The following NHSL1 variants were observed in gnomAD, a reference collection of about 807,000 sequenced individuals.
The protein encoded by NHSL1 is NHS like 1.
NHSL1 carries 48 observed loss-of-function variants against 95.0 expected under a neutral mutation model. That is an observed-to-expected ratio of 0.51 (90% CI 0.40 to 0.64). NHSL1 has a LOEUF of 0.64. NHSL1 is among the 30% of genes least tolerant of loss of function. The pLI is 0.00. For synonymous variants in NHSL1, 783 were observed against 833.9 expected (o/e 0.94, Z 1.05); for missense variants, 1,971 against 2,077.7 (o/e 0.95, Z 1.00).
intron 1 of NHSL1, among the ~76,000 whole-genome samples, chr6:138,543,892 G>A (rs1325821861): frequency 6.6e-6 from 1 of 152,164 alleles, no homozygotes; most frequent in African/African-American, 2.4e-5. Flanking sequence ...AAAAGGGTGC[G>A]ATTGTGGATT....
intron 1 of NHSL1, among the ~76,000 whole-genome samples, chr6:138,551,743 T>C (rs1010763704): frequency 1.3e-5 from 2 of 152,182 alleles, no homozygotes; most frequent in African/African-American, 4.8e-5. Context: ...GGAAACTGAT[T>C]TAAAACCAGT....
intron 2 of NHSL1, among the ~76,000 whole-genome samples, chr6:138,487,009 G>T (rs1420175731): frequency 6.6e-6 from 1 of 152,208 alleles, no homozygotes; most frequent in African/African-American, 2.4e-5. Flanking sequence ...AGGTGTGAGA[G>T]GTTGTGGTTC....
At chr6:138,649,512 C>T (rs1302164869) in intron 1 of NHSL1, among the ~76,000 whole-genome samples, 1 of 151,120 alleles carries the variant, frequency 6.6e-6, no homozygotes, top group Non-Finnish European at 1.5e-5. Flanking sequence ...TCAAATCTTA[C>T]TATGAACTGG....
intron 2 of NHSL1, among the ~76,000 whole-genome samples, chr6:138,485,446 TAAAAA>T (rs768633258): frequency 6.9e-5 from 8 of 115,540 alleles, no homozygotes; most frequent in African/African-American, 1.6e-4. Flanking sequence ...TGCTTACCGT[TAAAAA>T]AAAAAAAAAA....
intron 7 of NHSL1, among the ~76,000 whole-genome samples, chr6:138,428,272 A>C (rs1032099936): frequency 3.3e-5 from 5 of 152,252 alleles, no homozygotes; most frequent in Admixed American, 2.6e-4. Context: ...AAATACTCTG[A>C]GTCTTGGAAG....
upstream of NHSL1, among the ~76,000 whole-genome samples, chr6:138,547,766 A>C (rs1217074027): frequency 6.6e-6 from 1 of 152,190 alleles, no homozygotes; most frequent in African/African-American, 2.4e-5. Flanking sequence ...GATTCACCTA[A>C]CAAACAAGAT....
At chr6:138,471,239 T>C (rs1265999235) in intron 3 of NHSL1, among the ~76,000 whole-genome samples, 1 of 152,154 alleles carries the variant, frequency 6.6e-6, no homozygotes, top group East Asian at 1.9e-4. Flanking sequence ...AGAAAAATCT[T>C]AGGATGCTGT....
intron 3 of NHSL1, chr6:138,464,487 C>T (rs920707457): frequency 8.8e-6 from 2 of 227,320 alleles, no homozygotes; most frequent in African/African-American, 4.6e-5. Context: ...AAATTCTGAG[C>T]CTCAGTCCAC....
At chr6:138,451,222 T>A (rs1258395295) in intron 3 of NHSL1, among the ~76,000 whole-genome samples, 1 of 152,176 alleles carries the variant, frequency 6.6e-6, no homozygotes, top group Non-Finnish European at 1.5e-5. Flanking sequence ...ATGCTGTACC[T>A]TGTACCTTCC....
chr6:138,671,592 C>A (rs1785371955), intron 1 of NHSL1, among the ~76,000 whole-genome samples: 1 of 152,044 alleles, frequency 6.6e-6, no homozygotes, highest in African/African-American at 2.4e-5. Context: ...TGGCTGAGAA[C>A]CAGCCACGGA....
exon 1 of NHSL1, chr6:138,571,731 A>G: frequency 1.3e-6 from 2 of 1,552,294 alleles, no homozygotes. Context: ...TGGGCTCTGT[A>G]TATCCAGTTT....
chr6:138,669,130 G>A (rs1785331982), intron 1 of NHSL1, among the ~76,000 whole-genome samples: 1 of 152,046 alleles, frequency 6.6e-6, no homozygotes, highest in Admixed American at 6.6e-5. Context: ...GAAAGCACAG[G>A]GAAAGGTATT....
intron 3 of NHSL1, among the ~76,000 whole-genome samples, chr6:138,449,052 C>CAAAAAAAAAAA (rs545496586): frequency 1.1e-5 from 1 of 88,436 alleles, no homozygotes; most frequent in African/African-American, 3.7e-5. Context: ...AATTCTGTCT[C>CAAAAAAAAAAA]AAAAAAAAAA....
chr6:138,671,150 A>C (rs1420780170), intron 1 of NHSL1, among the ~76,000 whole-genome samples: 1 of 151,792 alleles, frequency 6.6e-6, no homozygotes, highest in Non-Finnish European at 1.5e-5. Context: ...GCAAGATTCT[A>C]TCTCTAAAAA....
At chr6:138,690,066 TGC>T (rs1785642588) in intron 1 of NHSL1, among the ~76,000 whole-genome samples, 2 of 152,340 alleles carry the variant, frequency 1.3e-5, no homozygotes, top group South Asian at 4.1e-4. Context: ...GTGAATTAAC[TGC>T]AATGCTGTTG....
intron 1 of NHSL1, among the ~76,000 whole-genome samples, chr6:138,599,686 T>C (rs1320496195): frequency 6.6e-6 from 1 of 152,154 alleles, no homozygotes; most frequent in Non-Finnish European, 1.5e-5. Flanking sequence ...AAATCACAAA[T>C]GCTCAGTTAA....
intron 1 of NHSL1, among the ~76,000 whole-genome samples, chr6:138,612,109 CAAAAAAAA>C (rs368848438): frequency 1.4e-5 from 1 of 73,488 alleles, no homozygotes; most frequent in East Asian, 4.0e-4. Context: ...GACTCCATCT[CAAAAAAAA>C]AAAAAAAAAA....
chr6:138,624,196 C>A (rs1784704804), intron 1 of NHSL1, among the ~76,000 whole-genome samples: 1 of 152,148 alleles, frequency 6.6e-6, no homozygotes, highest in Non-Finnish European at 1.5e-5. Context: ...GAGAGTGCAT[C>A]TCCACCTTTA....
chr6:138,652,815 G>A (rs1008356741), intron 1 of NHSL1, among the ~76,000 whole-genome samples: 2 of 152,180 alleles, frequency 1.3e-5, no homozygotes, highest in African/African-American at 2.4e-5. Flanking sequence ...ACACCTGCCA[G>A]ATAATTAAAT....
Sources: allele counts gnomAD v4.1 joint callset (sites outside exome capture counted in the v4.1 genomes callset), GRCh38; gene constraint gnomAD v4.1.1; transcripts MANE v1.5; gene names NCBI Gene and HGNC (gene_info 2026-07-23, HGNC 2026-07-21).